The following FAM178B variants were observed in gnomAD, a reference collection of about 807,000 sequenced individuals.
FAM178B encodes family with sequence similarity 178 member B, also known as protein FAM178B.
A neutral mutation model predicts 91.7 loss-of-function variants in FAM178B; 82 were observed. The observed-to-expected ratio is 0.89, with a 90% CI of 0.75 to 1.07. FAM178B has a LOEUF of 1.07. Ranked by LOEUF, FAM178B falls within the 50% of genes least tolerant of loss-of-function variation. The pLI, the probability that FAM178B is intolerant of heterozygous loss-of-function variation, is 0.00. For missense variants in FAM178B, 769 were observed against 846.7 expected, an observed-to-expected ratio of 0.91 and a Z score of 1.14; for synonymous variants, 368 against 359.4, an observed-to-expected ratio of 1.02 and a Z score of -0.27.
intron 14 of FAM178B, among the ~76,000 whole-genome samples, chr2:96,893,189 T>C (rs13430237): frequency 0.44 from 66,528 of 151,956 alleles, 16,415 homozygotes; most frequent in East Asian, 0.75. Flanking sequence ...CATTCTTCAT[T>C]CCCGAGTCCC....
intron 8 of FAM178B, among the ~76,000 whole-genome samples, chr2:96,946,227 T>C (rs547263444): frequency 1.3e-5 from 2 of 152,242 alleles, no homozygotes; most frequent in Non-Finnish European, 2.9e-5. Context: ...TAATACATCA[T>C]GGACATTCAA....
At chr2:96,949,813 A>G (rs2081894330) in intron 7 of FAM178B, among the ~76,000 whole-genome samples, 2 of 152,222 alleles carry the variant, frequency 1.3e-5, no homozygotes, top group African/African-American at 2.4e-5. Context: ...CCAGGCCCAG[A>G]GCAGAGCTCT....
At position 96,981,797 on chromosome 2, in the gene FAM178B, G is replaced by GGGCTCAC. The variant is rs375145245; in HGVS notation, c.73+4437_73+4443dup. ...AAACTGTCCTCTAGGCTGGGCACAGGGGCTCACACCTGTAATCCCAGCACT... is the reference window on the plus strand; with the variant it reads ...AAACTGTCCTCTAGGCTGGGCACAGGGGCTCACGGCTCACACCTGTAATCCCAGCACT... On this transcript the variant is annotated intron_variant, in intron 1 of 16. Transcript: ENST00000490605. Among the ~76,000 whole-genome samples, 434 of 151,140 alleles carry GGGCTCAC rather than the reference G, an allele frequency of 2.9e-3. 3 individuals are homozygous for GGGCTCAC. Among genetic ancestry groups the GGGCTCAC allele is most frequent in the African/African-American group, 9.8e-3 (406 of 41,238 alleles).
Position 96,921,651 on chromosome 2 carries a change from G to A in FAM178B, c.1291C>T (p.Leu431=). 1 of 1,551,314 alleles carries A rather than the reference G, an allele frequency of 6.4e-7. No individual in the cohort carries two copies. The highest frequency in any genetic ancestry group is 8.7e-7 in the Non-Finnish European group (1 of 1,146,974). Reference sequence around the variant, plus strand: ...GGCTGGGCCTGGGCACACAGCGCCAGAAACTGGAGAGAGAAAAGAGGGCAG... The same window carrying A: ...GGCTGGGCCTGGGCACACAGCGCCAAAAACTGGAGAGAGAAAAGAGGGCAG... The part of the protein sequence containing the change: ...DISLGHIYKF[L]ALCAQAQPGA... The change falls in exon 11 of 17, where the codon CTG becomes TTG. Residue 431 remains leucine (L), a synonymous_variant. Transcript: ENST00000490605.
intron 16 of FAM178B, 42 bp from the exon 17 acceptor site, chr2:96,876,350 G>C: frequency 6.4e-7 from 1 of 1,574,016 alleles, no homozygotes. Flanking sequence ...CCTGGGCCCA[G>C]GTGCTGCCCA....
intron 12 of FAM178B, among the ~76,000 whole-genome samples, chr2:96,916,451 C>T (rs926724489): frequency 6.6e-6 from 1 of 152,216 alleles, no homozygotes; most frequent in African/African-American, 2.4e-5. Flanking sequence ...TTTGAAGCAG[C>T]GCACACAGGA....
chr2:96,889,103 T>A (rs1423661589), intron 14 of FAM178B, among the ~76,000 whole-genome samples: 2 of 152,162 alleles, frequency 1.3e-5, no homozygotes, highest in Non-Finnish European at 2.9e-5. Context: ...GCCCCTTAGC[T>A]GTTATCCACT....
At position 96,923,601 on chromosome 2, in the gene FAM178B, C is replaced by T; in HGVS notation, c.1194-18G>A. On this transcript the variant is annotated intron_variant, in intron 9 of 16. Transcript: ENST00000490605. ...GAAGCACCCTGTGGTAAGACAACAA[C>T]AGTGACGATGGGAAACCCAGGAGGG... is the stretch of plus-strand genomic sequence containing the variant. The T allele has an allele frequency of 6.5e-7, 1 of 1,547,940 alleles. No individual in the cohort carries two copies. The highest frequency in any genetic ancestry group is 2.4e-5 in the East Asian group (1 of 40,880).
At chr2:96,980,957 G>T (rs1293895855) in intron 1 of FAM178B, among the ~76,000 whole-genome samples, 1 of 151,892 alleles carries the variant, frequency 6.6e-6, no homozygotes, top group Non-Finnish European at 1.5e-5. Context: ...CCACTGAATG[G>T]CTTCTCTTTC....
At position 96,929,295 on chromosome 2, in the gene FAM178B, G is replaced by T. The variant is rs563141532; in HGVS notation, c.1104C>A (p.Pro368=). 1.9e-5 allele frequency: 30 copies of T among 1,551,568 alleles called. 1 individual carries two copies. The South Asian group carries it at 3.3e-4, about 17-fold the overall frequency. ...ATGCCTCCCTGACTTCTTGCAGTGA[G>T]GGGCACCACAGGTGCTTGTCTTCAT... The part of the protein sequence containing the change: ...QPDEDKHLWC[P]SLQEVREAFH... The change falls in exon 9 of 17, where the codon CCC becomes CCA. Residue 368 remains proline, a synonymous_variant. Coordinates refer to ENST00000490605, the MANE Select transcript of FAM178B (RefSeq NM_001122646.3).
intron 8 of FAM178B, among the ~76,000 whole-genome samples, chr2:96,945,578 T>C (rs1284449616): frequency 1.3e-5 from 2 of 152,018 alleles, no homozygotes; most frequent in Non-Finnish European, 2.9e-5. Context: ...AAATCATAGA[T>C]ACGGGTGAAG....
intron 12 of FAM178B, among the ~76,000 whole-genome samples, chr2:96,905,848 A>G (rs181118759): frequency 5.3e-4 from 14 of 26,484 alleles, no homozygotes; most frequent in Middle Eastern, 0.015. Context: ...ATATATATAT[A>G]TATATATATA....
Position 96,951,393 on chromosome 2 carries a change from G to A in FAM178B, c.979C>T (p.Gln327Ter), listed in dbSNP as rs1175009146. The A allele has an allele frequency of 2.6e-5, 41 of 1,551,016 alleles. No individual in the cohort carries two copies. The highest frequency in any genetic ancestry group is 1.9e-5 in the Non-Finnish European group (22 of 1,146,570). Residue 327 changes from glutamine to a stop codon, truncating the protein, a stop_gained, in exon 7 of 17, where the codon CAG (glutamine) becomes TAG (stop). Coordinates refer to ENST00000490605, the MANE Select transcript of FAM178B (RefSeq NM_001122646.3). LOFTEE classifies it high-confidence loss of function. The part of the protein sequence containing the change: ...HMPDCPVSLL[Q>*]WLFQLLTWPP... ...GCGGTCCTCACCTGGAACAGCCACT[G>A]GAGCAGGGATACCGGGCAGTCAGGC...
intron 3 of FAM178B, among the ~76,000 whole-genome samples, chr2:96,971,236 C>CCTCCT (rs1437723930): frequency 2.1e-5 from 3 of 143,964 alleles, no homozygotes; most frequent in Admixed American, 7.0e-5. Flanking sequence ...ATTGCCCTCT[C>CCTCCT]CTCCTCTCCT....
intron 14 of FAM178B, among the ~76,000 whole-genome samples, chr2:96,889,543 T>C (rs1318757569): frequency 6.6e-6 from 1 of 151,876 alleles, no homozygotes; most frequent in Non-Finnish European, 1.5e-5. Context: ...CCGGGCATGA[T>C]GGTGGGCACC....
In FAM178B at chr2:96,893,948, G is replaced by T; in HGVS notation, c.1754C>A (p.Ala585Asp). The T allele has an allele frequency of 6.2e-7, 1 of 1,612,860 alleles. No individual in the cohort carries two copies. ...CACCTTGTGGTCTAGCTCGGCACTA[G>T]CCTTTGGCTGTTGCTCCTGGCAGGG... is the stretch of plus-strand genomic sequence containing the variant. Reference protein sequence around the residue: ...LPPCQEQQPKASAELDHKACY... With the variant: ...LPPCQEQQPKDSAELDHKACY... Residue 585 changes from alanine (A) to aspartate (D), a missense_variant, in exon 14 of 17, where the codon GCT (alanine) becomes GAT (aspartate). Ala to Asp is a moderately radical substitution (Grantham distance 126). Coordinates refer to ENST00000490605, the MANE Select transcript of FAM178B (RefSeq NM_001122646.3).
At chr2:96,889,991 A>AT (rs397794769) in intron 14 of FAM178B, among the ~76,000 whole-genome samples, 1 of 148,460 alleles carries the variant, frequency 6.7e-6, no homozygotes, top group African/African-American at 2.5e-5. Context: ...AAAAAAAAAA[A>AT]TTGGCTGGGC....
chr2:96,942,305 A>T (rs1450173970), intron 8 of FAM178B, among the ~76,000 whole-genome samples: 1 of 152,210 alleles, frequency 6.6e-6, no homozygotes, highest in Admixed American at 6.5e-5. Flanking sequence ...GATCCAAGAC[A>T]ATCACTATTA....
chr2:96,893,180 A>G (rs1236212139), intron 14 of FAM178B, among the ~76,000 whole-genome samples: 2 of 152,110 alleles, frequency 1.3e-5, no homozygotes, highest in African/African-American at 2.4e-5. Flanking sequence ...CCCTATCTCC[A>G]TTCTTCATTC....
Sources: gnomAD v4.1 joint callset for allele counts (sites outside exome capture counted in the v4.1 genomes callset) on GRCh38, gnomAD v4.1.1 for gene constraint, MANE v1.5 for transcripts, NCBI Gene and HGNC (gene_info 2026-07-23, HGNC 2026-07-21) for gene names.